Variants in FAM222B observed in about 807,000 individuals in gnomAD.
The protein encoded by FAM222B is protein FAM222B.
In FAM222B, 12 loss-of-function variants were observed where a neutral mutation model predicts 38.0. The ratio of observed to expected loss-of-function variants is 0.32; its 90% CI spans 0.20 to 0.51. The LOEUF (loss-of-function observed/expected upper bound fraction) is 0.51. FAM222B is among the 20% of genes least tolerant of loss of function. FAM222B has a pLI of 0.97. For synonymous variants in FAM222B, 329 were observed against 317.2 expected (o/e 1.04, Z -0.40); for missense variants, 716 against 754.2 (o/e 0.95, Z 0.59).
intron 1 of FAM222B, among the ~76,000 whole-genome samples, chr17:28,787,991 A>C (rs2036496340): frequency 6.6e-6 from 1 of 152,054 alleles, no homozygotes; most frequent in Non-Finnish European, 1.5e-5. Flanking sequence ...CACCCAGCTA[A>C]TTTTGAATTT....
At chr17:28,814,744 G>C (rs980478023) in intron 1 of FAM222B, among the ~76,000 whole-genome samples, 1 of 151,536 alleles carries the variant, frequency 6.6e-6, no homozygotes, top group Non-Finnish European at 1.5e-5. Context: ...TGGGATTACA[G>C]GCATGAGCCA....
chr17:28,830,962 A>C (rs1372406291), intron 1 of FAM222B, among the ~76,000 whole-genome samples: 2 of 151,552 alleles, frequency 1.3e-5, no homozygotes, highest in African/African-American at 4.8e-5. Context: ...TCAAATATCA[A>C]TAGCCATACT....
intron 1 of FAM222B, among the ~76,000 whole-genome samples, chr17:28,852,044 T>G (rs2039185516): frequency 6.6e-6 from 1 of 151,740 alleles, no homozygotes; most frequent in Non-Finnish European, 1.5e-5. Flanking sequence ...AGAGTGAGAC[T>G]GTGGCTCAAA....
At chr17:28,775,003 A>AT (rs34758668) in intron 1 of FAM222B, among the ~76,000 whole-genome samples, 93,946 of 125,494 alleles carry the variant, frequency 0.75, 35,803 homozygotes, top group East Asian at 0.81. Context: ...TCTCAGCTGT[A>AT]TTTTTTTTTT....
intron 1 of FAM222B, among the ~76,000 whole-genome samples, chr17:28,787,031 TCTC>T (rs1414132233): frequency 2.0e-5 from 3 of 151,494 alleles, no homozygotes; most frequent in Non-Finnish European, 2.9e-5. Flanking sequence ...TTCACGCCAT[TCTC>T]CTGCCTCAGC....
chr17:28,839,360 C>A (rs79625143), intron 1 of FAM222B, among the ~76,000 whole-genome samples: 3 of 152,136 alleles, frequency 2.0e-5, no homozygotes, highest in African/African-American at 7.2e-5. Context: ...CTAGCCCACC[C>A]CTTTTTCTTC....
At chr17:28,805,200 A>G (rs952967283) in intron 1 of FAM222B, among the ~76,000 whole-genome samples, 2 of 152,192 alleles carry the variant, frequency 1.3e-5, no homozygotes, top group Non-Finnish European at 2.9e-5. Flanking sequence ...TCTATAAAAA[A>G]TGAAAAAAGT....
At chr17:28,832,471 C>A (rs937693100) in intron 1 of FAM222B, among the ~76,000 whole-genome samples, 35 of 152,196 alleles carry the variant, frequency 2.3e-4, no homozygotes, top group African/African-American at 8.2e-4. Flanking sequence ...ACAATGGTCC[C>A]TCTGCTGCCA....
intron 1 of FAM222B, among the ~76,000 whole-genome samples, chr17:28,820,636 CT>C (rs557770356): frequency 1.9e-3 from 267 of 144,044 alleles, no homozygotes; most frequent in Middle Eastern, 3.5e-3. Flanking sequence ...AATGGTAAAA[CT>C]TTTTTTTTTT....
At chr17:28,807,708 G>A (rs1339706050) in intron 1 of FAM222B, among the ~76,000 whole-genome samples, 1 of 152,122 alleles carries the variant, frequency 6.6e-6, no homozygotes, top group Non-Finnish European at 1.5e-5. Context: ...TTAACCTTTT[G>A]TGAGACGTTT....
At chr17:28,833,612 CAA>C (rs370065990) in intron 1 of FAM222B, among the ~76,000 whole-genome samples, 18,501 of 71,964 alleles carry the variant, frequency 0.26, 512 homozygotes, top group South Asian at 0.36. Context: ...GACTTTGTCT[CAA>C]AAAAAAAAAA....
chr17:28,769,364 G>C (rs896647119), intron 1 of FAM222B, among the ~76,000 whole-genome samples: 3 of 151,954 alleles, frequency 2.0e-5, no homozygotes, highest in African/African-American at 7.2e-5. Context: ...TGTATTTTTA[G>C]TAGAGATGGG....
intron 1 of FAM222B, among the ~76,000 whole-genome samples, chr17:28,799,706 CAA>C (rs1191565659): frequency 2.0e-5 from 3 of 152,164 alleles, no homozygotes; most frequent in Non-Finnish European, 4.4e-5. Flanking sequence ...CTCCTAGGCT[CAA>C]GTGATCCTCC....
chr17:28,778,342 C>A (rs751056263), intron 1 of FAM222B, among the ~76,000 whole-genome samples: 1 of 151,678 alleles, frequency 6.6e-6, no homozygotes, highest in African/African-American at 2.4e-5. Flanking sequence ...TGAGAACATG[C>A]GGTGTTTGGT....
At chr17:28,844,169 A>G (rs1410765085), upstream of FAM222B, among the ~76,000 whole-genome samples, 1 of 152,174 alleles carries the variant, frequency 6.6e-6, no homozygotes, top group African/African-American at 2.4e-5. Context: ...GAATTCAACA[A>G]AACAGACTTG....
rs1254235399 is a variant in FAM222B, at chr17:28,822,832, AATATATAT to A, written c.-41+19842_-41+19849del. On this transcript the variant is annotated intron_variant, in intron 1 of 2. Coordinates refer to ENST00000581407, the MANE Select transcript of FAM222B (RefSeq NM_001077498.3). ...AAAAAAAAAAAAAAAAAAAAAAAAA[AATATATAT>A]ATATATATATATATATATATATATA... is the stretch of plus-strand genomic sequence containing the variant. Among the ~76,000 whole-genome samples, 383 of 42,792 alleles carry A rather than the reference AATATATAT, an allele frequency of 9.0e-3. 13 individuals are homozygous for A. The highest frequency in any genetic ancestry group is 0.042 in the African/African-American group (355 of 8,550). 28.1% of individuals were successfully genotyped at this position (42,792 alleles called of 152,430 possible).
At chr17:28,847,438 CA>C (rs1218598708), upstream of FAM222B, among the ~76,000 whole-genome samples, 1 of 150,612 alleles carries the variant, frequency 6.6e-6, no homozygotes, top group Non-Finnish European at 1.5e-5. Context: ...ACTAAAAATA[CA>C]AAAAATTAGC....
intron 1 of FAM222B, among the ~76,000 whole-genome samples, chr17:28,841,711 G>A (rs1051333672): frequency 6.6e-6 from 1 of 152,188 alleles, no homozygotes; most frequent in African/African-American, 2.4e-5. Context: ...TGCCAACTGT[G>A]TTATAAGGCA....
chr17:28,845,340 G>T (rs1483562267), upstream of FAM222B, among the ~76,000 whole-genome samples: 1 of 150,338 alleles, frequency 6.7e-6, no homozygotes, highest in Non-Finnish European at 1.5e-5. Context: ...GGCAGAGCTT[G>T]CAGTGAGCCA....
Sources: allele counts gnomAD v4.1 joint callset (sites outside exome capture counted in the v4.1 genomes callset), GRCh38; gene constraint gnomAD v4.1.1; transcripts MANE v1.5; gene names NCBI Gene and HGNC (gene_info 2026-07-23, HGNC 2026-07-21).